Variants in POM121 observed in about 807,000 individuals in gnomAD.
POM121 encodes nuclear envelope pore membrane protein POM 121.
Under a neutral mutation model 81.3 loss-of-function variants are expected in POM121, and 32 were observed. That is an observed-to-expected ratio of 0.39 (90% CI 0.30 to 0.53). The LOEUF is 0.53. POM121 is among the 20% of genes least tolerant of loss of function. POM121 has a pLI of 0.66. For missense variants in POM121, 1,138 were observed against 1,614.6 expected (o/e 0.70, Z 5.06); for synonymous variants, 514 against 694.2 (o/e 0.74, Z 4.08).
intron 3 of POM121, among the ~76,000 whole-genome samples, chr7:72,898,443 C>G (rs1792191155): frequency 6.6e-6 from 1 of 152,076 alleles, no homozygotes; most frequent in South Asian, 2.1e-4. Context: ...ATGGAAACAT[C>G]AAGTAGGCAG....
At chr7:72,919,470 G>T (rs1227967419) in intron 4 of POM121, among the ~76,000 whole-genome samples, 1 of 151,578 alleles carries the variant, frequency 6.6e-6, no homozygotes, top group African/African-American at 2.4e-5. Context: ...GTGTTTGTTG[G>T]TGATGAATTC....
intron 5 of POM121, among the ~76,000 whole-genome samples, chr7:72,931,796 C>T (rs1470192413): frequency 2.0e-5 from 3 of 152,148 alleles, no homozygotes; most frequent in South Asian, 4.1e-4. Flanking sequence ...GCATCGAACT[C>T]GTGACCTCAG....
chr7:72,902,570 C>A (rs1554492843), intron 3 of POM121, among the ~76,000 whole-genome samples: 1 of 151,772 alleles, frequency 6.6e-6, no homozygotes, highest in Non-Finnish European at 1.5e-5. Context: ...ACTCTGTCAC[C>A]CAGGCTGGAG....
At chr7:72,923,402 T>C (rs1456934562), upstream of POM121, among the ~76,000 whole-genome samples, 1 of 151,898 alleles carries the variant, frequency 6.6e-6, no homozygotes, top group African/African-American at 2.4e-5. Flanking sequence ...CACTTCCCTG[T>C]CTACCTTCCC....
At chr7:72,925,789 A>G in intron 1 of POM121, 24 bp downstream of exon 1, 1 of 1,313,428 alleles carries the variant, frequency 7.6e-7, no homozygotes, top group Middle Eastern at 2.0e-4. Flanking sequence ...ATTTTGTCAG[A>G]TCATCCTCTG....
chr7:72,882,963 C>G (rs1327026980), intron 1 of POM121, among the ~76,000 whole-genome samples: 2 of 152,160 alleles, frequency 1.3e-5, no homozygotes, highest in African/African-American at 4.8e-5. Context: ...CATGGAGTCT[C>G]TCTTTTCTTG....
exon 1 of POM121, chr7:72,879,585 G>C (rs1222720618): frequency 3.4e-6 from 1 of 294,692 alleles, no homozygotes; most frequent in African/African-American, 2.4e-5. Flanking sequence ...GGCCAGAGGG[G>C]CCAGGCGGGA....
In POM121 at chr7:72,943,183, T is replaced by G. The variant is rs781836095; in HGVS notation, c.3190T>G (p.Phe1064Val). Residue 1064 changes from phenylalanine to valine, a missense_variant, in exon 11 of 13, where the codon TTC becomes GTC. By Grantham distance (50) the Phe-to-Val change is conservative. Transcript: ENST00000434423. ...QPAFGGSTAV[F>V]FGAATSSGFG... ...CGCCTTTGGCGGCTCCACTGCTGTC[T>G]TCTTCGGTGCAGCCACCAGCTCCGG... 6 of 1,613,334 alleles carry G rather than the reference T, an allele frequency of 3.7e-6. No homozygotes were observed. The highest frequency in any genetic ancestry group is 4.2e-6 in the Non-Finnish European group (5 of 1,179,822).
chr7:72,939,792 C>G lies in POM121; in HGVS notation c.1442-55C>G, dbSNP rs554071118. 4.8e-5 allele frequency: 78 copies of G among 1,610,810 alleles called. No homozygotes were observed. In the Middle Eastern group the frequency reaches 2.3e-3, roughly 47 times the overall value. ...TGAAATGCGAAGTGGGTAGACACAA[C>G]CATCCATTTCTGGAAGAGGGAAGGA... On this transcript the variant is annotated intron_variant, in intron 7 of 12. Transcript: ENST00000434423.
Position 72,943,298 on chromosome 7 carries a change from C to T in POM121, c.3305C>T (p.Ser1102Leu), listed in dbSNP as rs782034707. 21 of 1,607,724 alleles carry T rather than the reference C, an allele frequency of 1.3e-5. No homozygotes were observed. The highest frequency in any genetic ancestry group is 1.9e-4 in the Middle Eastern group (1 of 5,392). ...TTPSPFTFGGSAAPAGSGSFG... is the reference protein window; with the variant it reads ...TTPSPFTFGGLAAPAGSGSFG... The stretch of plus-strand genomic sequence containing the variant: ...CCATCACCCTTCACGTTTGGGGGTT[C>T]GGCAGCCCCCGCTGGCAGTGGGAGC... The change falls in exon 11 of 13, where the codon TCG (serine) becomes TTG (leucine). Residue 1102 changes from serine to leucine, a missense_variant. Coordinates refer to ENST00000434423, the MANE Select transcript of POM121 (RefSeq NM_001387691.1).
At chr7:72,945,412 C>T (rs1484527246) in intron 11 of POM121, among the ~76,000 whole-genome samples, 174 bp from the exon 12 acceptor site, 2 of 151,880 alleles carry the variant, frequency 1.3e-5, no homozygotes, top group African/African-American at 4.8e-5. Flanking sequence ...AGCTGGGGCA[C>T]CAGGCATGAA....
intron 1 of POM121, among the ~76,000 whole-genome samples, chr7:72,889,804 C>T (rs527503947): frequency 0.013 from 1,918 of 152,252 alleles, 31 homozygotes; most frequent in African/African-American, 0.044. Context: ...AGGCATGAGC[C>T]ACCATGCCCA....
At chr7:72,925,044 T>C (rs148920027), upstream of POM121, 3,991 of 1,347,948 alleles carry the variant, frequency 3.0e-3, 11 homozygotes, top group Non-Finnish European at 3.4e-3. Flanking sequence ...GCGCATGACG[T>C]AGAGGGCGCG....
chr7:72,905,759 C>T lies in POM121; in HGVS notation c.-215-8006C>T, dbSNP rs567956937. 7.9e-5 allele frequency among the ~76,000 whole-genome samples: 12 copies of T among 152,242 alleles called. 1 individual carries two copies. In the South Asian group the frequency reaches 1.7e-3, roughly 21 times the overall value. ...TAAATCTTGCTGAATCTTCTATGGGCGAAGAATGTGTACCCTGCTATTGCT... is the reference window on the plus strand; with the variant it reads ...TAAATCTTGCTGAATCTTCTATGGGTGAAGAATGTGTACCCTGCTATTGCT... On this transcript the variant is annotated intron_variant, in intron 3 of 15. Coordinates refer to the POM121 transcript ENST00000395270.
rs565085171 is a variant in POM121 at position 72,943,309 on chromosome 7, G to C, written c.3316G>C (p.Ala1106Pro). 3 of 1,607,510 alleles carry C rather than the reference G, an allele frequency of 1.9e-6. No individual in the cohort carries two copies. Among genetic ancestry groups the C allele is most frequent in the Non-Finnish European group, 1.7e-6 (2 of 1,177,282 alleles). The change falls in exon 11 of 13, where the codon GCT (alanine) becomes CCT (proline). Residue 1106 changes from alanine to proline, a missense_variant. Transcript: ENST00000434423. ...CACGTTTGGGGGTTCGGCAGCCCCC[G>C]CTGGCAGTGGGAGCTTTGGGATCAA... ...PFTFGGSAAP[A>P]GSGSFGINVA... is the part of the protein sequence containing the mutation.
At chr7:72,912,987 T>A (rs1793955810) in intron 3 of POM121, among the ~76,000 whole-genome samples, 1 of 152,156 alleles carries the variant, frequency 6.6e-6, no homozygotes, top group African/African-American at 2.4e-5. Context: ...CATCATCAGG[T>A]CCCTACTTAA....
chr7:72,947,856 T>C lies in POM121; in HGVS notation c.*1622T>C, dbSNP rs1351843313. Reference sequence around the variant, plus strand: ...AATGTAACTGGTGCCCCCTCCCCGATGTGACTGAGGGTGAGTGAGTGGTGG... The same window carrying C: ...AATGTAACTGGTGCCCCCTCCCCGACGTGACTGAGGGTGAGTGAGTGGTGG... On this transcript the variant is annotated 3_prime_UTR_variant, in exon 13 of 13. Coordinates refer to ENST00000434423, the MANE Select transcript of POM121 (RefSeq NM_001387691.1). The C allele has an allele frequency of 1.0e-6, 1 of 989,278 alleles. No homozygotes were observed. Among genetic ancestry groups the C allele is most frequent in the Non-Finnish European group, 1.2e-6 (1 of 832,074 alleles). 61.3% of individuals were successfully genotyped at this position (989,278 alleles called of 1,614,324 possible).
exon 1 of POM121, chr7:72,879,722 C>G: frequency 2.2e-6 from 1 of 459,524 alleles, no homozygotes; most frequent in Non-Finnish European, 4.3e-6. Context: ...AGAAGGACAC[C>G]CGCCTGGATT....
chr7:72,943,462 C>T lies in POM121; in HGVS notation c.3469C>T (p.Gln1157Ter), dbSNP rs782128161. The T allele has an allele frequency of 1.9e-6, 3 of 1,612,756 alleles. No homozygotes were observed. The highest frequency in any genetic ancestry group is 1.7e-6 in the Non-Finnish European group (2 of 1,179,846). Residue 1157 changes from glutamine (Q) to a stop codon, truncating the protein, a stop_gained, in exon 11 of 13, where the codon CAG becomes TAG. Coordinates refer to ENST00000434423, the MANE Select transcript of POM121 (RefSeq NM_001387691.1). LOFTEE classifies it high-confidence loss of function. ...LGQNALGTTGQSTPFAFNVSS... is the reference protein window; with the variant it reads ...LGQNALGTTG The stretch of plus-strand genomic sequence containing the variant: ...TCAGAACGCCCTGGGCACCACCGGC[C>T]AGAGCACACCGTTTGCCTTCAACGT...
Sources: gnomAD v4.1 joint callset for allele counts (sites outside exome capture counted in the v4.1 genomes callset) on GRCh38, gnomAD v4.1.1 for gene constraint, MANE v1.5 for transcripts, NCBI Gene and HGNC (gene_info 2026-07-23, HGNC 2026-07-21) for gene names.